The following MACROD2 variants were observed in gnomAD, a reference collection of about 807,000 sequenced individuals.
MACROD2 encodes the protein ADP-ribose glycohydrolase MACROD2.
In MACROD2, 36 loss-of-function variants were observed where a neutral mutation model predicts 70.4. The observed-to-expected ratio is 0.51, with a 90% CI of 0.39 to 0.68. The LOEUF is 0.68. Ranked by LOEUF, MACROD2 falls within the 30% of genes least tolerant of loss-of-function variation. MACROD2 has a pLI of 0.00. For missense variants in MACROD2, 496 were observed against 538.4 expected, an observed-to-expected ratio of 0.92 and a Z score of 0.78; for synonymous variants, 172 against 178.8, an observed-to-expected ratio of 0.96 and a Z score of 0.30.
intron 6 of MACROD2, among the ~76,000 whole-genome samples, chr20:15,344,411 G>A (rs901352321): frequency 6.6e-6 from 1 of 152,120 alleles, no homozygotes; most frequent in South Asian, 2.1e-4. Context: ...GCCAGAAAAA[G>A]CTCTTCTGTG....
chr20:15,866,610 G>T (rs1227556631), intron 9 of MACROD2, among the ~76,000 whole-genome samples: 2 of 152,138 alleles, frequency 1.3e-5, no homozygotes, highest in African/African-American at 4.8e-5. Flanking sequence ...GTGATAATAG[G>T]TTCGTTTTCT....
chr20:15,438,341 A>G (rs968834821), intron 7 of MACROD2, among the ~76,000 whole-genome samples: 1 of 151,948 alleles, frequency 6.6e-6, no homozygotes, highest in Non-Finnish European at 1.5e-5. Flanking sequence ...TGCCAGCATC[A>G]GTTATTTTTT....
chr20:16,017,804 A>G (rs1568712294), intron 15 of MACROD2, among the ~76,000 whole-genome samples: 1 of 152,320 alleles, frequency 6.6e-6, no homozygotes, highest in East Asian at 1.9e-4. Flanking sequence ...GGGTACTTAC[A>G]AAATATTTGG....
chr20:15,898,155 C>G (rs1188265317), intron 10 of MACROD2, among the ~76,000 whole-genome samples: 4 of 152,108 alleles, frequency 2.6e-5, no homozygotes, highest in Non-Finnish European at 2.9e-5. Context: ...GGCAAATCTC[C>G]CACTATATTT....
intron 12 of MACROD2, among the ~76,000 whole-genome samples, chr20:15,945,882 T>C (rs746916335): frequency 4.6e-5 from 7 of 152,124 alleles, no homozygotes; most frequent in Non-Finnish European, 8.8e-5. Context: ...AGCAGAGGAC[T>C]TTCTTTGCCT....
At chr20:14,811,951 G>A (rs1312238809) in intron 5 of MACROD2, among the ~76,000 whole-genome samples, 1 of 152,104 alleles carries the variant, frequency 6.6e-6, no homozygotes, top group Non-Finnish European at 1.5e-5. Context: ...AGGACGTGGA[G>A]ACATAGGAAC....
chr20:15,957,102 T>A (rs2065987901), intron 12 of MACROD2, among the ~76,000 whole-genome samples: 1 of 152,082 alleles, frequency 6.6e-6, no homozygotes, highest in South Asian at 2.1e-4. Context: ...TTATAGATGC[T>A]GTTGAGAGTT....
intron 7 of MACROD2, among the ~76,000 whole-genome samples, chr20:15,465,414 T>C (rs2046871871): frequency 6.6e-6 from 1 of 152,242 alleles, no homozygotes; most frequent in Non-Finnish European, 1.5e-5. Context: ...TACAGCTCTG[T>C]CTGTGTTAAG....
At chr20:15,747,512 C>T (rs2051201776) in intron 8 of MACROD2, among the ~76,000 whole-genome samples, 1 of 152,056 alleles carries the variant, frequency 6.6e-6, no homozygotes, top group African/African-American at 2.4e-5. Flanking sequence ...TGGATGAACC[C>T]AGTAGTAACA....
intron 8 of MACROD2, among the ~76,000 whole-genome samples, chr20:15,659,403 G>A (rs2021915): frequency 0.2 from 26,825 of 135,030 alleles, 3,137 homozygotes; most frequent in East Asian, 0.41. Context: ...GTCTTCCTCC[G>A]CCTATCTCAC....
At chr20:15,197,091 G>C in intron 5 of MACROD2, 1 of 930,396 alleles carries the variant, frequency 1.1e-6, no homozygotes, top group Non-Finnish European at 1.3e-6. Flanking sequence ...GTCTGGTTTG[G>C]TTCTCCTTTT....
chr20:14,439,328 G>A (rs1294681644), intron 3 of MACROD2, among the ~76,000 whole-genome samples: 1 of 152,044 alleles, frequency 6.6e-6, no homozygotes, highest in African/African-American at 2.4e-5. Context: ...ATCGGGCAGT[G>A]TGATGCCTCT....
intron 5 of MACROD2, among the ~76,000 whole-genome samples, chr20:15,072,574 CAG>C (rs2123110315): frequency 6.6e-6 from 1 of 152,236 alleles, no homozygotes; most frequent in South Asian, 2.1e-4. Context: ...TCCTCTAAGG[CAG>C]AATATTACTT....
intron 3 of MACROD2, among the ~76,000 whole-genome samples, chr20:14,488,391 G>T (rs1261602569): frequency 6.6e-6 from 1 of 152,142 alleles, no homozygotes; most frequent in East Asian, 1.9e-4. Flanking sequence ...AAGGGTGACT[G>T]GTATGTAGCA....
At chr20:14,100,347 T>C (rs1322775494) in intron 3 of MACROD2, among the ~76,000 whole-genome samples, 2 of 151,562 alleles carry the variant, frequency 1.3e-5, no homozygotes, top group Non-Finnish European at 3.0e-5. Context: ...ACATTCAAAA[T>C]AGGTTGATAT....
chr20:15,357,273 T>G (rs1434847052), intron 6 of MACROD2, among the ~76,000 whole-genome samples: 1 of 152,196 alleles, frequency 6.6e-6, no homozygotes, highest in Non-Finnish European at 1.5e-5. Flanking sequence ...ATCCTTAAAA[T>G]TCAATTATTT....
chr20:15,549,308 G>A (rs1178263093), intron 8 of MACROD2, among the ~76,000 whole-genome samples: 1 of 152,144 alleles, frequency 6.6e-6, no homozygotes, highest in Non-Finnish European at 1.5e-5. Flanking sequence ...TAGAGATTGA[G>A]GTAGAAATGG....
At chr20:14,603,833 A>G (rs1473969042) in intron 4 of MACROD2, among the ~76,000 whole-genome samples, 1 of 152,150 alleles carries the variant, frequency 6.6e-6, no homozygotes, top group Non-Finnish European at 1.5e-5. Flanking sequence ...ATTAGGACCA[A>G]TCTGGGTATT....
At chr20:15,255,226 G>A (rs1236489264) in intron 6 of MACROD2, among the ~76,000 whole-genome samples, 1 of 151,866 alleles carries the variant, frequency 6.6e-6, no homozygotes, top group Non-Finnish European at 1.5e-5. Context: ...ACTCTCTAAT[G>A]TAAGAAGATT....
Sources: allele counts gnomAD v4.1 joint callset (sites outside exome capture counted in the v4.1 genomes callset), GRCh38; gene constraint gnomAD v4.1.1; transcripts MANE v1.5; gene names NCBI Gene and HGNC (gene_info 2026-07-23, HGNC 2026-07-21).